The following RPH3A variants were observed in gnomAD, a reference collection of about 807,000 sequenced individuals.
The protein encoded by RPH3A is rabphilin-3A.
RPH3A carries 48 observed loss-of-function variants against 102.2 expected under a neutral mutation model. The ratio of observed to expected loss-of-function variants is 0.47; its 90% CI spans 0.37 to 0.60. The LOEUF is 0.60. RPH3A is among the 20% of genes least tolerant of loss of function. The probability of loss-of-function intolerance (pLI) is 0.00; values close to 1 mark genes in which losing one functional copy is unlikely to be tolerated. For synonymous variants in RPH3A, 310 were observed against 324.3 expected (o/e 0.96, Z 0.47); for missense variants, 781 against 910.1 (o/e 0.86, Z 1.83).
intron 10 of RPH3A, among the ~76,000 whole-genome samples, chr12:112,870,322 A>C (rs1238285451): frequency 6.6e-6 from 1 of 151,236 alleles, no homozygotes; most frequent in Non-Finnish European, 1.5e-5. Flanking sequence ...AAAAAAAAAA[A>C]AAAAAAACCC....
chr12:112,769,466 C>T (rs564744938), intron 1 of RPH3A, among the ~76,000 whole-genome samples: 43 of 152,324 alleles, frequency 2.8e-4, no homozygotes, highest in African/African-American at 1.0e-3. Flanking sequence ...TTGTGTATTG[C>T]TGTCAGTTGG....
intron 1 of RPH3A, among the ~76,000 whole-genome samples, chr12:112,771,344 A>C (rs1333144635): frequency 2.0e-5 from 3 of 152,198 alleles, no homozygotes; most frequent in African/African-American, 7.2e-5. Context: ...TTTTTCAACT[A>C]TATGAAACAC....
chr12:112,761,629 T>C (rs1027834765), intron 1 of RPH3A, among the ~76,000 whole-genome samples: 4 of 152,210 alleles, frequency 2.6e-5, no homozygotes, highest in African/African-American at 4.8e-5. Flanking sequence ...TTGCATTCAA[T>C]TTCCCATTCC....
chr12:112,679,735 G>A (rs2040213736), intron 1 of RPH3A, among the ~76,000 whole-genome samples: 1 of 152,184 alleles, frequency 6.6e-6, no homozygotes, highest in African/African-American at 2.4e-5. Flanking sequence ...CTACTTACCA[G>A]ACTTTTAATG....
chr12:112,804,148 C>A (rs2041411312), intron 2 of RPH3A, among the ~76,000 whole-genome samples: 2 of 152,186 alleles, frequency 1.3e-5, no homozygotes, highest in African/African-American at 4.8e-5. Context: ...CCCATAGAGG[C>A]AAACCAATTT....
At chr12:112,862,614 TGAG>T in intron 5 of RPH3A, among the ~76,000 whole-genome samples, 1 of 151,538 alleles carries the variant, frequency 6.6e-6, no homozygotes, top group South Asian at 2.1e-4. Flanking sequence ...GGGGGGAAAA[TGAG>T]GAAGAATTGA....
rs571770040 is a variant in RPH3A at position 112,616,629 on chromosome 12, G to T, written c.-140+41310G>T. Among the ~76,000 whole-genome samples the T allele has an allele frequency of 1.2e-4, 18 of 152,354 alleles. No individual in the cohort carries two copies. In the East Asian group the frequency reaches 3.3e-3, roughly 28 times the overall value. ...ATAACAGAGGTGTCACTGAAGCTCA[G>T]AGAAGTTAAGCAATGTGCTCAGGGC... On this transcript the variant is annotated intron_variant, in intron 1 of 21. Coordinates refer to the RPH3A transcript ENST00000543106.
At chr12:112,859,456 GA>G (rs2042471084) in intron 5 of RPH3A, among the ~76,000 whole-genome samples, 1 of 152,204 alleles carries the variant, frequency 6.6e-6, no homozygotes, top group Non-Finnish European at 1.5e-5. Flanking sequence ...GTGCATTAAA[GA>G]GGGAAGTAAA....
chr12:112,890,115 G>T (rs1195209055), intron 18 of RPH3A, 35 bp downstream of exon 18: 12 of 1,584,426 alleles, frequency 7.6e-6, no homozygotes, highest in Non-Finnish European at 1.0e-5. Context: ...CCACAGTCAG[G>T]GTCTGTACTG....
chr12:112,614,709 AAAAAAAAAGG>A (rs2039664866), intron 1 of RPH3A, among the ~76,000 whole-genome samples: 1 of 150,778 alleles, frequency 6.6e-6, no homozygotes, highest in Admixed American at 6.6e-5. Flanking sequence ...AAAAAAAAAA[AAAAAAAAAGG>A]AAGAAAAAGA....
intron 1 of RPH3A, among the ~76,000 whole-genome samples, chr12:112,685,351 T>C (rs2040256078): frequency 6.6e-6 from 1 of 152,200 alleles, no homozygotes; most frequent in Admixed American, 6.5e-5. Context: ...CATGTGAATT[T>C]GGGGAGACAC....
chr12:112,709,472 C>T (rs774095375), intron 1 of RPH3A, among the ~76,000 whole-genome samples: 2 of 151,808 alleles, frequency 1.3e-5, no homozygotes, highest in Non-Finnish European at 1.5e-5. Flanking sequence ...ATCACTTGAG[C>T]CTGGGAGTTC....
intron 4 of RPH3A, among the ~76,000 whole-genome samples, chr12:112,836,984 T>G (rs1479338876): frequency 6.6e-6 from 1 of 152,254 alleles, no homozygotes; most frequent in Non-Finnish European, 1.5e-5. Flanking sequence ...AAAACACCTT[T>G]GAAGCAGAGG....
chr12:112,753,124 T>C (rs2040796816), intron 1 of RPH3A, among the ~76,000 whole-genome samples: 1 of 152,140 alleles, frequency 6.6e-6, no homozygotes, highest in Non-Finnish European at 1.5e-5. Flanking sequence ...GTTCAAGAGA[T>C]GTAATCTCTG....
rs754520404 is a variant in RPH3A at position 112,894,574 on chromosome 12, C to T, written c.1776-4C>T. The T allele has an allele frequency of 7.4e-6, 12 of 1,613,470 alleles. No individual in the cohort carries two copies. The African/African-American group carries it at 1.2e-4, about 16-fold the overall frequency. On this transcript the variant is annotated splice_polypyrimidine_tract_variant and splice_region_variant and intron_variant, in intron 19 of 21. Coordinates refer to ENST00000389385, the MANE Select transcript of RPH3A (RefSeq NM_001143854.2). The stretch of plus-strand genomic sequence containing the variant: ...CCATAATAGCATGTTGTGTCGCCTC[C>T]CAGCTGGCTGAAACCGGACATGGGA...
At chr12:112,819,844 T>G (rs2041746879) in intron 2 of RPH3A, among the ~76,000 whole-genome samples, 1 of 152,238 alleles carries the variant, frequency 6.6e-6, no homozygotes, top group Non-Finnish European at 1.5e-5. Context: ...AAATGGTGAT[T>G]GCAGGGTTGC....
At chr12:112,883,743 A>C (rs953852405) in intron 16 of RPH3A, among the ~76,000 whole-genome samples, 1 of 152,224 alleles carries the variant, frequency 6.6e-6, no homozygotes, top group Non-Finnish European at 1.5e-5. Context: ...TCATCTCATT[A>C]GTACATCTGT....
At chr12:112,778,068 C>T (rs557272752) in intron 1 of RPH3A, among the ~76,000 whole-genome samples, 1 of 152,282 alleles carries the variant, frequency 6.6e-6, no homozygotes, top group African/African-American at 2.4e-5. Context: ...CAGAAATTCC[C>T]ACCAATCTTA....
At chr12:112,731,079 A>C (rs2136048824) in intron 1 of RPH3A, among the ~76,000 whole-genome samples, 1 of 152,336 alleles carries the variant, frequency 6.6e-6, no homozygotes, top group East Asian at 1.9e-4. Context: ...GCTCTGTGTT[A>C]GAGTTGGCTG....
Sources: allele counts gnomAD v4.1 joint callset (sites outside exome capture counted in the v4.1 genomes callset), GRCh38; gene constraint gnomAD v4.1.1; transcripts MANE v1.5; gene names NCBI Gene and HGNC (gene_info 2026-07-23, HGNC 2026-07-21).